Variants in RBMS3 observed in about 807,000 individuals in gnomAD.
RBMS3 encodes RNA binding motif single stranded interacting protein 3.
RBMS3 carries 27 observed loss-of-function variants against 66.8 expected under a neutral mutation model. The ratio of observed to expected loss-of-function variants is 0.40; its 90% CI spans 0.30 to 0.56. The LOEUF (loss-of-function observed/expected upper bound fraction) is 0.56, where lower values mean the gene tolerates loss of function less well. Among genes scored for constraint, RBMS3 ranks in the 20% least tolerant of loss-of-function variants. The pLI, the probability that RBMS3 is intolerant of heterozygous loss-of-function variation, is 0.40. For synonymous variants in RBMS3, 188 were observed against 183.0 expected, an observed-to-expected ratio of 1.03 and a Z score of -0.22; for missense variants, 513 against 549.5, an observed-to-expected ratio of 0.93 and a Z score of 0.66.
At chr3:29,800,884 C>G (rs1291966050) in intron 6 of RBMS3, among the ~76,000 whole-genome samples, 1 of 151,908 alleles carries the variant, frequency 6.6e-6, no homozygotes, top group Admixed American at 6.6e-5. Flanking sequence ...TTCATGTGAC[C>G]CTTTTGTCAG....
At chr3:29,532,197 A>T (rs2045375985) in intron 3 of RBMS3, among the ~76,000 whole-genome samples, 1 of 147,584 alleles carries the variant, frequency 6.8e-6, no homozygotes, top group Non-Finnish European at 1.5e-5. Flanking sequence ...ATCATTCCTG[A>T]TCTATGTATA....
chr3:29,785,614 T>A (rs991978867), intron 6 of RBMS3, among the ~76,000 whole-genome samples: 1 of 152,088 alleles, frequency 6.6e-6, no homozygotes, highest in Non-Finnish European at 1.5e-5. Flanking sequence ...TCTCAATAGA[T>A]GCAGAAAAAG....
chr3:29,646,861 G>A (rs144693684), intron 4 of RBMS3, among the ~76,000 whole-genome samples: 7 of 152,228 alleles, frequency 4.6e-5, no homozygotes, highest in African/African-American at 1.7e-4. Context: ...GTAAAGTGGA[G>A]GAGTCTTTGG....
At position 29,497,973 on chromosome 3, in the gene RBMS3, A is replaced by ATTTTT. The variant is rs779555263; in HGVS notation, c.307+9507_307+9511dup. Among the ~76,000 whole-genome samples, 275 of 43,438 alleles carry ATTTTT rather than the reference A, an allele frequency of 6.3e-3. 28 individuals are homozygous for ATTTTT. The highest frequency in any genetic ancestry group is 0.022 in the Middle Eastern group (1 of 46). The allele number at this position is 43,438 out of a possible 152,430, so 28.5% of individuals were successfully genotyped here. ...TCAGAGTTATTCTCTAAAAGTATTC[A>ATTTTT]TTTTTTTTTTTTTTTTTTTTTTTTT... is the stretch of plus-strand genomic sequence containing the variant. On this transcript the variant is annotated intron_variant, in intron 3 of 14. Coordinates refer to ENST00000383767, the MANE Select transcript of RBMS3 (RefSeq NM_001003793.3).
intron 3 of RBMS3, among the ~76,000 whole-genome samples, chr3:29,549,213 T>C (rs1028686027): frequency 7.2e-5 from 11 of 151,990 alleles, no homozygotes; most frequent in African/African-American, 2.7e-4. Flanking sequence ...TATTTGTGCC[T>C]TCTTTGTGTC....
intron 1 of RBMS3, among the ~76,000 whole-genome samples, chr3:29,428,450 C>A (rs148695655): frequency 1.2e-4 from 18 of 152,064 alleles, no homozygotes; most frequent in African/African-American, 4.1e-4. Context: ...TTCACTACAA[C>A]CCCGCCTGCA....
intron 8 of RBMS3, among the ~76,000 whole-genome samples, chr3:29,888,660 C>T (rs542241680): frequency 4.6e-5 from 7 of 151,728 alleles, no homozygotes; most frequent in Non-Finnish European, 1.0e-4. Flanking sequence ...TTGTCCCAAA[C>T]TGAGGTCATT....
At chr3:29,320,212 T>C (rs572528070) in intron 1 of RBMS3, among the ~76,000 whole-genome samples, 89 of 152,176 alleles carry the variant, frequency 5.8e-4, no homozygotes, top group Non-Finnish European at 6.8e-4. Context: ...AATTTCACTC[T>C]CAGAGTAGAC....
At chr3:29,424,731 T>C (rs879356598) in intron 1 of RBMS3, among the ~76,000 whole-genome samples, 1 of 152,194 alleles carries the variant, frequency 6.6e-6, no homozygotes, top group Non-Finnish European at 1.5e-5. Flanking sequence ...GACAGTAATT[T>C]TCGTTATACG....
At chr3:29,661,207 A>C (rs2050533696) in intron 4 of RBMS3, among the ~76,000 whole-genome samples, 1 of 152,282 alleles carries the variant, frequency 6.6e-6, no homozygotes. Context: ...AGAGTTACAA[A>C]AGAGTTGTAT....
At chr3:29,563,800 G>C (rs2046639978) in intron 3 of RBMS3, among the ~76,000 whole-genome samples, 1 of 152,070 alleles carries the variant, frequency 6.6e-6, no homozygotes, top group East Asian at 1.9e-4. Flanking sequence ...CAAGACAGGA[G>C]GACCACTTGG....
intron 6 of RBMS3, among the ~76,000 whole-genome samples, chr3:29,822,291 C>CT (rs2058094853): frequency 6.6e-6 from 1 of 152,166 alleles, no homozygotes; most frequent in Admixed American, 6.6e-5. Context: ...TTTAAACAGA[C>CT]TATTTCTACC....
At chr3:29,467,264 T>G (rs1308734279) in intron 2 of RBMS3, among the ~76,000 whole-genome samples, 3 of 152,182 alleles carry the variant, frequency 2.0e-5, no homozygotes, top group Non-Finnish European at 4.4e-5. Context: ...AAGAGTCTCA[T>G]GTAAAGTTCA....
intron 1 of RBMS3, among the ~76,000 whole-genome samples, chr3:29,407,044 G>C (rs1378437313): frequency 1.3e-5 from 2 of 152,160 alleles, no homozygotes; most frequent in Non-Finnish European, 2.9e-5. Context: ...TGGGTCTCCA[G>C]GTTGAAGTTC....
chr3:29,634,153 A>T (rs2049384208), intron 4 of RBMS3, among the ~76,000 whole-genome samples: 2 of 151,934 alleles, frequency 1.3e-5, no homozygotes. Context: ...AGAGGGAGAA[A>T]GATACATTCA....
chr3:29,478,863 G>A (rs2125814904), intron 2 of RBMS3, among the ~76,000 whole-genome samples: 1 of 152,320 alleles, frequency 6.6e-6, no homozygotes, highest in African/African-American at 2.4e-5. Context: ...TCTTTAGAAG[G>A]AAGTTCTAAC....
In RBMS3 at chr3:30,009,122, G is replaced by A. The variant is rs1191615489; in HGVS notation, c.*5260G>A. Reference sequence around the variant, plus strand: ...AGGTGCAGTCAAGCTTGGATCTGCAGGAAGAACCACTAGGCCACTGAGTCA... The same window carrying A: ...AGGTGCAGTCAAGCTTGGATCTGCAAGAAGAACCACTAGGCCACTGAGTCA... On this transcript the variant is annotated 3_prime_UTR_variant, in exon 15 of 15. Coordinates refer to ENST00000383767, the MANE Select transcript of RBMS3 (RefSeq NM_001003793.3). The A allele has an allele frequency of 1.3e-5, 2 of 152,096 alleles. No individual in the cohort carries two copies. Among genetic ancestry groups the A allele is most frequent in the African/African-American group, 4.8e-5 (2 of 41,426 alleles). 9.4% of individuals were successfully genotyped at this position (152,096 alleles called of 1,614,324 possible).
At chr3:29,328,931 T>C (rs1340976683) in intron 1 of RBMS3, among the ~76,000 whole-genome samples, 1 of 152,170 alleles carries the variant, frequency 6.6e-6, no homozygotes, top group Non-Finnish European at 1.5e-5. Flanking sequence ...TTTTGAAACA[T>C]GAAAGAGTGT....
chr3:29,370,007 C>T (rs1441893078), intron 1 of RBMS3, among the ~76,000 whole-genome samples: 1 of 152,128 alleles, frequency 6.6e-6, no homozygotes, highest in African/African-American at 2.4e-5. Flanking sequence ...AAAATTATGT[C>T]TTCCTAACAA....
Sources: gnomAD v4.1 joint callset for allele counts (sites outside exome capture counted in the v4.1 genomes callset) on GRCh38, gnomAD v4.1.1 for gene constraint, MANE v1.5 for transcripts, NCBI Gene and HGNC (gene_info 2026-07-23, HGNC 2026-07-21) for gene names.